WWOX: variants seen among roughly 807,000 people sequenced by gnomAD.
WWOX encodes WW domain containing oxidoreductase.
In WWOX, 69 loss-of-function variants were observed where a neutral mutation model predicts 46.2. That is an observed-to-expected ratio of 1.49 (90% CI 1.23 to 1.82). The LOEUF (loss-of-function observed/expected upper bound fraction) is 1.82. WWOX is among the 40% of genes most tolerant of loss of function. The pLI is 0.00. For missense variants in WWOX, 919 were observed against 542.6 expected (o/e 1.69, Z -6.89); for synonymous variants, 359 against 202.6 (o/e 1.77, Z -6.56).
At chr16:78,375,485 T>A (rs1363526884) in intron 5 of WWOX, among the ~76,000 whole-genome samples, 1 of 152,242 alleles carries the variant, frequency 6.6e-6, no homozygotes, top group African/African-American at 2.4e-5. Context: ...ACGTGCTCAG[T>A]GCTATTGACT....
intron 8 of WWOX, among the ~76,000 whole-genome samples, chr16:78,470,500 A>G (rs57944343): frequency 0.14 from 20,705 of 151,310 alleles, 1,494 homozygotes; most frequent in Non-Finnish European, 0.16. Context: ...CCACTCTTTT[A>G]TTTTCATGTA....
At chr16:79,103,842 G>A (rs966831522) in intron 8 of WWOX, among the ~76,000 whole-genome samples, 5 of 152,202 alleles carry the variant, frequency 3.3e-5, no homozygotes, top group South Asian at 2.1e-4. Context: ...CATCATGCAC[G>A]TTTCTACACA....
At chr16:78,822,918 C>CA (rs1361791933) in intron 8 of WWOX, among the ~76,000 whole-genome samples, 1 of 145,654 alleles carries the variant, frequency 6.9e-6, no homozygotes, top group Non-Finnish European at 1.5e-5. Flanking sequence ...TTGATAAAGC[C>CA]AAAAAACTAA....
chr16:78,652,421 A>G (rs1018599325), intron 8 of WWOX, among the ~76,000 whole-genome samples: 1 of 148,052 alleles, frequency 6.8e-6, no homozygotes. Context: ...AAAAAAAAAA[A>G]AAAAAAAAAA....
intron 8 of WWOX, among the ~76,000 whole-genome samples, chr16:78,438,528 G>A (rs766207874): frequency 3.3e-5 from 5 of 151,780 alleles, no homozygotes; most frequent in Non-Finnish European, 5.9e-5. Flanking sequence ...GGTCCAAGCC[G>A]GTCCTTTGTG....
intron 8 of WWOX, among the ~76,000 whole-genome samples, chr16:78,454,270 G>C (rs12051240): frequency 6.6e-6 from 1 of 151,838 alleles, no homozygotes; most frequent in African/African-American, 2.4e-5. Context: ...GTTCTATGTT[G>C]CTCTAAAACA....
intron 8 of WWOX, among the ~76,000 whole-genome samples, chr16:78,980,952 G>T (rs148554145): frequency 1.3e-5 from 2 of 152,276 alleles, no homozygotes; most frequent in African/African-American, 4.8e-5. Context: ...GTGATATAAA[G>T]TCACAGGGTT....
At chr16:78,253,874 G>C (rs756667175) in intron 5 of WWOX, among the ~76,000 whole-genome samples, 1 of 151,994 alleles carries the variant, frequency 6.6e-6, no homozygotes, top group Admixed American at 6.6e-5. Context: ...ACATGCTTTC[G>C]GCATACACTT....
At chr16:78,606,689 G>T (rs989363000) in intron 8 of WWOX, among the ~76,000 whole-genome samples, 1 of 148,822 alleles carries the variant, frequency 6.7e-6, no homozygotes, top group African/African-American at 2.5e-5. Flanking sequence ...CGATTAGGAC[G>T]ACTGAAAGGG....
intron 8 of WWOX, among the ~76,000 whole-genome samples, chr16:78,730,996 C>T (rs1567521536): frequency 6.6e-6 from 1 of 152,134 alleles, no homozygotes; most frequent in South Asian, 2.1e-4. Context: ...ATCAAATCAA[C>T]TGCAGAGCCA....
intron 8 of WWOX, among the ~76,000 whole-genome samples, chr16:78,597,375 G>A (rs1281522925): frequency 2.0e-5 from 3 of 152,250 alleles, no homozygotes; most frequent in South Asian, 2.1e-4. Context: ...TGGATTCTAC[G>A]GTGGCTCTTT....
chr16:78,849,415 CAA>C (rs930313816), intron 8 of WWOX, among the ~76,000 whole-genome samples: 2 of 149,850 alleles, frequency 1.3e-5, no homozygotes, highest in East Asian at 2.0e-4. Flanking sequence ...ATTAAAAATA[CAA>C]AAAAAAATTA....
intron 8 of WWOX, 100 bp from the exon 9 acceptor site, chr16:79,211,508 C>T: frequency 3.4e-6 from 5 of 1,487,592 alleles, no homozygotes; most frequent in South Asian, 1.2e-5. Context: ...GAAACTGAAC[C>T]AGGTGGGGGA....
intron 5 of WWOX, among the ~76,000 whole-genome samples, chr16:78,246,459 T>C (rs896595220): frequency 6.6e-6 from 1 of 152,224 alleles, no homozygotes; most frequent in African/African-American, 2.4e-5. Context: ...GGGAAACCTG[T>C]TGGTCCCCTC....
At chr16:78,946,334 G>C (rs1456630692) in intron 8 of WWOX, among the ~76,000 whole-genome samples, 2 of 152,014 alleles carry the variant, frequency 1.3e-5, no homozygotes, top group East Asian at 3.9e-4. Context: ...GGATTACAGG[G>C]ATGCGCCACC....
At chr16:78,989,411 C>A (rs537361114) in intron 8 of WWOX, among the ~76,000 whole-genome samples, 2 of 152,202 alleles carry the variant, frequency 1.3e-5, no homozygotes, top group African/African-American at 4.8e-5. Context: ...CCTGCAGAAT[C>A]TTAACAGCAC....
At chr16:78,969,686 AAAAG>A (rs931160719) in intron 8 of WWOX, among the ~76,000 whole-genome samples, 7 of 152,180 alleles carry the variant, frequency 4.6e-5, no homozygotes, top group Non-Finnish European at 7.3e-5. Context: ...AAGAGAAAAG[AAAAG>A]AAAGAAAGGA....
chr16:78,788,665 C>T (rs986696238), intron 8 of WWOX, among the ~76,000 whole-genome samples: 6 of 152,204 alleles, frequency 3.9e-5, no homozygotes, highest in Non-Finnish European at 7.3e-5. Flanking sequence ...TATAATAAAG[C>T]AGTAAGGGGT....
At chr16:78,736,103 G>A (rs191328259) in intron 8 of WWOX, among the ~76,000 whole-genome samples, 125 of 152,330 alleles carry the variant, frequency 8.2e-4, no homozygotes, top group Non-Finnish European at 1.6e-3. Context: ...TGGGACAAAT[G>A]TGTGACAGGT....
Sources: gnomAD v4.1 joint callset for allele counts (sites outside exome capture counted in the v4.1 genomes callset) on GRCh38, gnomAD v4.1.1 for gene constraint, MANE v1.5 for transcripts, NCBI Gene and HGNC (gene_info 2026-07-23, HGNC 2026-07-21) for gene names.